Variants in ARL13B observed in about 807,000 individuals in gnomAD.
The protein encoded by ARL13B is ADP-ribosylation factor-like protein 13B.
A neutral mutation model predicts 56.1 loss-of-function variants in ARL13B; 36 were observed. The observed-to-expected ratio is 0.64, with a 90% CI of 0.49 to 0.85. ARL13B has a LOEUF of 0.85. ARL13B is among the 40% of genes least tolerant of loss of function. The pLI is 0.00. For missense variants in ARL13B, 519 were observed against 507.1 expected (o/e 1.02, Z -0.23); for synonymous variants, 178 against 171.1 (o/e 1.04, Z -0.32).
intron 3 of ARL13B, among the ~76,000 whole-genome samples, chr3:94,020,114 G>A (rs537908862): frequency 7.2e-5 from 11 of 152,086 alleles, no homozygotes; most frequent in Middle Eastern, 3.4e-3. Context: ...TGAGATCAAG[G>A]GTTTTTATTC....
At chr3:93,999,142 T>G (rs2076012847) in intron 2 of ARL13B, among the ~76,000 whole-genome samples, 1 of 151,924 alleles carries the variant, frequency 6.6e-6, no homozygotes, top group South Asian at 2.1e-4. Context: ...AGTCTCACTA[T>G]GTTGCCCAGG....
chr3:94,005,081 A>G (rs1292676769), intron 3 of ARL13B, among the ~76,000 whole-genome samples: 1 of 152,162 alleles, frequency 6.6e-6, no homozygotes, highest in African/African-American at 2.4e-5. Context: ...ATTCATTAAT[A>G]CATGCATTAA....
chr3:93,993,294 T>C (rs966375641), intron 1 of ARL13B, among the ~76,000 whole-genome samples: 4 of 151,864 alleles, frequency 2.6e-5, no homozygotes, highest in Non-Finnish European at 4.4e-5. Flanking sequence ...CCCAGCTAAT[T>C]TTTGTATTTT....
At chr3:94,050,711 T>G (rs1427590780) in intron 8 of ARL13B, 113 bp from the exon 9 acceptor site, 1 of 851,426 alleles carries the variant, frequency 1.2e-6, no homozygotes, top group Non-Finnish European at 1.9e-6. Flanking sequence ...ATTCAATATA[T>G]TTGAATTGAC....
At chr3:94,012,331 G>T (rs2076238575) in intron 3 of ARL13B, among the ~76,000 whole-genome samples, 1 of 152,160 alleles carries the variant, frequency 6.6e-6, no homozygotes, top group African/African-American at 2.4e-5. Flanking sequence ...TCTGGACCAA[G>T]ATAGCATCTT....
At chr3:94,035,223 C>G (rs2076745434) in intron 3 of ARL13B, 108 bp from the exon 4 acceptor site, 1 of 751,726 alleles carries the variant, frequency 1.3e-6, no homozygotes, top group Non-Finnish European at 2.1e-6. Context: ...GGAAACAGAG[C>G]AAGACTCAGT....
intron 3 of ARL13B, among the ~76,000 whole-genome samples, chr3:94,010,360 G>A (rs1379308333): frequency 6.6e-6 from 1 of 152,052 alleles, no homozygotes; most frequent in Non-Finnish European, 1.5e-5. Flanking sequence ...AAGTGTAGAA[G>A]AATTAGGAGA....
chr3:94,008,898 T>C (rs920809300), intron 3 of ARL13B, among the ~76,000 whole-genome samples: 4 of 152,152 alleles, frequency 2.6e-5, no homozygotes, highest in African/African-American at 9.7e-5. Context: ...TTTTGGCCAG[T>C]CTTCACAAAT....
At chr3:94,044,609 C>T (rs543498147) in intron 7 of ARL13B, among the ~76,000 whole-genome samples, 2 of 138,178 alleles carry the variant, frequency 1.4e-5, no homozygotes, top group East Asian at 2.3e-4. Flanking sequence ...TCTGCCCGGC[C>T]GCCACCCTGT....
chr3:94,025,481 C>G (rs1310785099), intron 3 of ARL13B, among the ~76,000 whole-genome samples: 1 of 152,108 alleles, frequency 6.6e-6, no homozygotes, highest in Non-Finnish European at 1.5e-5. Flanking sequence ...AGATCCTTTA[C>G]ATTATTAGGT....
chr3:94,053,144 T>A (rs772529016), intron 9 of ARL13B, 43 bp from the exon 10 acceptor site: 1 of 1,491,850 alleles, frequency 6.7e-7, no homozygotes, highest in East Asian at 2.3e-5. Flanking sequence ...AATCTTGATG[T>A]ACCATAACTG....
At chr3:94,038,019 G>A (rs1305836058) in intron 5 of ARL13B, among the ~76,000 whole-genome samples, 1 of 152,108 alleles carries the variant, frequency 6.6e-6, no homozygotes, top group Non-Finnish European at 1.5e-5. Flanking sequence ...TCGGAGACGG[G>A]TGATTAAAAA....
intron 5 of ARL13B, among the ~76,000 whole-genome samples, chr3:94,037,751 C>T (rs2076793511): frequency 6.6e-6 from 1 of 151,790 alleles, no homozygotes; most frequent in South Asian, 2.1e-4. Context: ...GTGAAAACTC[C>T]TTTTCCTCCA....
intron 1 of ARL13B, chr3:93,988,491 A>G (rs1002517199): frequency 2.6e-5 from 6 of 231,400 alleles, no homozygotes; most frequent in South Asian, 4.9e-5. Flanking sequence ...AAACTTAACA[A>G]TGGAATGAGG....
chr3:94,032,496 TC>T (rs1307715894), intron 3 of ARL13B, among the ~76,000 whole-genome samples: 2 of 152,194 alleles, frequency 1.3e-5, no homozygotes, highest in South Asian at 2.1e-4. Context: ...TATGGAGATT[TC>T]TTTTTTTTTT....
chr3:93,988,250 A>C (rs367859759), intron 1 of ARL13B, among the ~76,000 whole-genome samples: 8 of 152,146 alleles, frequency 5.3e-5, no homozygotes, highest in South Asian at 2.1e-4. Flanking sequence ...AAAAAAAAAA[A>C]AAACATGGCA....
rs942791753 is a variant in ARL13B, at chr3:93,991,922, T to C, written c.60-3952T>C. Among the ~76,000 whole-genome samples, 10 of 152,326 alleles carry C rather than the reference T, an allele frequency of 6.6e-5. 1 individual carries two copies. Among genetic ancestry groups the C allele is most frequent in the Admixed American group, 6.5e-4 (10 of 15,304 alleles). On this transcript the variant is annotated intron_variant, in intron 1 of 9. Coordinates refer to ENST00000394222, the MANE Select transcript of ARL13B (RefSeq NM_001174150.2). ...TTCCCTAAAACATTTAATTAAAGCC[T>C]TTTTTCAAGAATAGGACATAGTCTT...
intron 3 of ARL13B, among the ~76,000 whole-genome samples, chr3:94,011,078 T>C (rs2076216829): frequency 6.6e-6 from 1 of 152,100 alleles, no homozygotes; most frequent in Non-Finnish European, 1.5e-5. Context: ...TGCTTGATAA[T>C]TGACACCATA....
chr3:94,006,039 G>A (rs764776100), intron 3 of ARL13B, among the ~76,000 whole-genome samples: 3 of 152,116 alleles, frequency 2.0e-5, no homozygotes, highest in Non-Finnish European at 4.4e-5. Context: ...GGTGGCTCAC[G>A]CCTGTAATCC....
Sources: gnomAD v4.1 joint callset for allele counts (sites outside exome capture counted in the v4.1 genomes callset) on GRCh38, gnomAD v4.1.1 for gene constraint, MANE v1.5 for transcripts, NCBI Gene and HGNC (gene_info 2026-07-23, HGNC 2026-07-21) for gene names.